The following MAP3K14 variants were observed in gnomAD, a reference collection of about 807,000 sequenced individuals.
MAP3K14 encodes mitogen-activated protein kinase kinase kinase 14, also known as NF-kappa-beta-inducing kinase.
A neutral mutation model predicts 99.2 loss-of-function variants in MAP3K14; 16 were observed. The ratio of observed to expected loss-of-function variants is 0.16; its 90% CI spans 0.11 to 0.24. MAP3K14 has a LOEUF of 0.24. Ranked by LOEUF, MAP3K14 falls within the 10% of genes least tolerant of loss-of-function variation. The probability of loss-of-function intolerance (pLI) is 1.00; values close to 1 mark genes in which losing one functional copy is unlikely to be tolerated. For missense variants in MAP3K14, 784 were observed against 1,208.7 expected (o/e 0.65, Z 5.21); for synonymous variants, 462 against 492.4 (o/e 0.94, Z 0.82).
intron 1 of MAP3K14, chr17:45,291,003 C>G (rs1415870237): frequency 8.6e-6 from 4 of 466,180 alleles, no homozygotes; most frequent in Non-Finnish European, 1.6e-5. Flanking sequence ...CATAAACAGC[C>G]TCCTTCACTG....
At chr17:45,276,816 T>C (rs1235350344) in intron 6 of MAP3K14, among the ~76,000 whole-genome samples, 1 of 140,838 alleles carries the variant, frequency 7.1e-6, no homozygotes, top group Non-Finnish European at 1.5e-5. Context: ...CCCGGCCTCT[T>C]AGACTTCTTT....
chr17:45,264,430 C>T lies in MAP3K14; in HGVS notation c.*206G>A, dbSNP rs1159528826. On this transcript the variant is annotated 3_prime_UTR_variant, in exon 16 of 16. Transcript: ENST00000344686. Reference sequence around the variant, plus strand: ...GTCTCTTCACGTGGCGGAGTGTTTTCTCAGCAGGGTGGGGCAGGGCTCAGG... The same window carrying T: ...GTCTCTTCACGTGGCGGAGTGTTTTTTCAGCAGGGTGGGGCAGGGCTCAGG... The T allele has an allele frequency of 1.7e-6, 1 of 584,740 alleles. No individual in the cohort carries two copies. Among genetic ancestry groups the T allele is most frequent in the East Asian group, 3.0e-5 (1 of 33,536 alleles). The allele number at this position is 584,740 out of a possible 1,614,324, so 36.2% of individuals were successfully genotyped here. A position where few individuals can be genotyped will look rare whatever the true frequency, so the allele number is the denominator to read the frequency against.
At chr17:45,299,394 AT>A (rs752918448) in intron 1 of MAP3K14, among the ~76,000 whole-genome samples, 1 of 151,974 alleles carries the variant, frequency 6.6e-6, no homozygotes, top group Non-Finnish European at 1.5e-5. Flanking sequence ...CTTTATGAAA[AT>A]AAAAAAAAAG....
intron 15 of MAP3K14, 145 bp downstream of exon 15, chr17:45,265,018 T>G: frequency 1.2e-6 from 1 of 811,654 alleles, no homozygotes; most frequent in Non-Finnish European, 2.0e-6. Context: ...GGAAATGCTT[T>G]GAGGTCCTGG....
Position 45,305,874 on chromosome 17 carries a change from C to G in MAP3K14, c.-21+11086G>C, listed in dbSNP as rs576257703. On this transcript the variant is annotated intron_variant, in intron 1 of 15. Transcript: ENST00000344686. ...GTCGGCAAGAACCCATGAAGATGTT[C>G]TTTGAAGAGCATTCTGCACACCCCA... 4.6e-5 allele frequency among the ~76,000 whole-genome samples: 7 copies of G among 152,314 alleles called. No individual in the cohort carries two copies. In the South Asian group the frequency reaches 1.5e-3, roughly 32 times the overall value.
In MAP3K14 at chr17:45,270,982, A is replaced by T. The variant is rs766258829; in HGVS notation, c.1821+76T>A. The T allele has an allele frequency of 5.9e-4, 904 of 1,542,400 alleles. 3 individuals carry two copies. In the Admixed American group the frequency reaches 6.2e-3, roughly 11 times the overall value. On this transcript the variant is annotated intron_variant, in intron 10 of 15. Transcript: ENST00000344686. ...CTTGCTCCATCTGCCACCGCAGAGC[A>T]GCCCCTCCAGCCTGCAGCCTGGGCC...
chr17:45,275,473 A>C (rs1598247430), intron 6 of MAP3K14, among the ~76,000 whole-genome samples: 1 of 111,898 alleles, frequency 8.9e-6, no homozygotes, highest in East Asian at 2.8e-4. Flanking sequence ...ACAGAGTGAG[A>C]CTCCATCTCA....
chr17:45,272,562 T>C lies in MAP3K14; in HGVS notation c.1657+941A>G, dbSNP rs922952358. On this transcript the variant is annotated intron_variant, in intron 9 of 15. Transcript: ENST00000344686. This position sits in a 1 kb window ranked among gnomAD's most constrained non-coding sequence, Gnocchi z 4.1. ...ATCATTTTATCCTTAAGGCTATACATGAAAAACGCAGGGCACAAAATTGTG... is the reference window on the plus strand; with the variant it reads ...ATCATTTTATCCTTAAGGCTATACACGAAAAACGCAGGGCACAAAATTGTG... Among the ~76,000 whole-genome samples, 3 of 152,142 alleles carry C rather than the reference T, an allele frequency of 2.0e-5. No homozygotes were observed. The highest frequency in any genetic ancestry group is 2.9e-5 in the Non-Finnish European group (2 of 68,012).
intron 1 of MAP3K14, among the ~76,000 whole-genome samples, chr17:45,314,233 C>T (rs935133519): frequency 2.0e-5 from 3 of 152,254 alleles, no homozygotes; most frequent in African/African-American, 4.8e-5. Context: ...ATTTGCCCTA[C>T]GTCTGGCCTT....
rs34173501 is a variant in MAP3K14, at chr17:45,291,515, C to T, written c.-20-750G>A. On this transcript the variant is annotated intron_variant, in intron 1 of 15. Coordinates refer to ENST00000344686, the MANE Select transcript of MAP3K14 (RefSeq NM_003954.5). ...GTAGAATTTATATTCAAGGCCCTAA[C>T]ACGAACCTATACCTCTAGAAATAAA... 3.7e-3 allele frequency among the ~76,000 whole-genome samples: 569 copies of T among 152,324 alleles called. 7 individuals carry two copies. Among genetic ancestry groups the T allele is most frequent in the African/African-American group, 0.013 (539 of 41,576 alleles).
intron 1 of MAP3K14, among the ~76,000 whole-genome samples, chr17:45,316,500 T>C (rs2044534203): frequency 6.6e-6 from 1 of 152,196 alleles, no homozygotes; most frequent in African/African-American, 2.4e-5. Context: ...CCTTGAGGTG[T>C]GACCTGAGAA....
chr17:45,299,358 G>C (rs2044369395), intron 1 of MAP3K14, among the ~76,000 whole-genome samples: 1 of 151,956 alleles, frequency 6.6e-6, no homozygotes, highest in African/African-American at 2.4e-5. Context: ...TTTGAGATCA[G>C]CATGTATAAC....
intron 1 of MAP3K14, among the ~76,000 whole-genome samples, chr17:45,301,450 C>T (rs887655209): frequency 5.3e-5 from 8 of 150,378 alleles, no homozygotes; most frequent in African/African-American, 1.7e-4. Context: ...GCAACAAGAG[C>T]GAAACTCCAT....
chr17:45,312,090 C>T (rs2044484773), intron 1 of MAP3K14, among the ~76,000 whole-genome samples: 1 of 152,256 alleles, frequency 6.6e-6, no homozygotes, highest in African/African-American at 2.4e-5. Flanking sequence ...AAGGTCTGCT[C>T]AGGACTTTCT....
At chr17:45,304,204 A>G (rs1421420148) in intron 1 of MAP3K14, among the ~76,000 whole-genome samples, 1 of 151,766 alleles carries the variant, frequency 6.6e-6, no homozygotes. Flanking sequence ...GGGTTTCACC[A>G]TGTTGGTCAG....
At chr17:45,316,131 T>A (rs1016709946) in intron 1 of MAP3K14, among the ~76,000 whole-genome samples, 2 of 152,208 alleles carry the variant, frequency 1.3e-5, no homozygotes, top group Non-Finnish European at 2.9e-5. Context: ...TCACCACTTA[T>A]CCTCTCCCTC....
chr17:45,285,462 C>A (rs759524618), intron 5 of MAP3K14, among the ~76,000 whole-genome samples: 1 of 151,316 alleles, frequency 6.6e-6, no homozygotes, highest in East Asian at 1.9e-4. Flanking sequence ...CCTGTCTCTA[C>A]CAAAAAACAC....
rs925020746 is a variant in MAP3K14, at chr17:45,278,293, G to A, written c.1291-3700C>T. Among the ~76,000 whole-genome samples, 19 of 152,136 alleles carry A rather than the reference G, an allele frequency of 1.2e-4. 1 individual carries two copies. The highest frequency in any genetic ancestry group is 2.6e-4 in the Non-Finnish European group (18 of 68,018). Reference sequence around the variant, plus strand: ...AATACAAGGTGCTTTAGAAGTCGGTGCCAGAGGAGAAAGCAGCCCAGCCTT... The same window carrying A: ...AATACAAGGTGCTTTAGAAGTCGGTACCAGAGGAGAAAGCAGCCCAGCCTT... On this transcript the variant is annotated intron_variant, in intron 6 of 15. Coordinates refer to ENST00000344686, the MANE Select transcript of MAP3K14 (RefSeq NM_003954.5).
intron 6 of MAP3K14, 48 bp downstream of exon 6, chr17:45,284,763 GC>G: frequency 6.5e-7 from 1 of 1,543,708 alleles, no homozygotes; most frequent in Non-Finnish European, 8.7e-7. Flanking sequence ...AACACACCAG[GC>G]CCCCTTCCTG....
Sources: gnomAD v4.1 joint callset for allele counts (sites outside exome capture counted in the v4.1 genomes callset) on GRCh38, gnomAD v4.1.1 for gene constraint, Gnocchi (gnomAD v3.1) non-coding constraint, MANE v1.5 for transcripts, NCBI Gene and HGNC (gene_info 2026-07-23, HGNC 2026-07-21) for gene names.